Variants in SCHIP1 observed in about 807,000 individuals in gnomAD.
SCHIP1 encodes the protein schwannomin-interacting protein 1.
In SCHIP1, 8 loss-of-function variants were observed where a neutral mutation model predicts 29.7. The ratio of observed to expected loss-of-function variants is 0.27; its 90% CI spans 0.16 to 0.49. The LOEUF (loss-of-function observed/expected upper bound fraction) is 0.49, where lower values mean the gene tolerates loss of function less well. Ranked by LOEUF, SCHIP1 falls within the 20% of genes least tolerant of loss-of-function variation. The pLI is 0.99. For synonymous variants in SCHIP1, 76 were observed against 94.9 expected (o/e 0.80, Z 1.16); for missense variants, 193 against 294.6 (o/e 0.66, Z 2.52).
chr3:159,767,214 G>A, the SCHIP1 span, among the ~76,000 whole-genome samples: 1 of 152,156 alleles, frequency 6.6e-6, no homozygotes, highest in Non-Finnish European at 1.5e-5. Context: ...CAAACAGTAA[G>A]TTTCCCATGA....
the SCHIP1 span, among the ~76,000 whole-genome samples, chr3:159,526,277 T>C: frequency 6.1e-3 from 928 of 152,296 alleles, 10 homozygotes; most frequent in African/African-American, 0.022. Flanking sequence ...CAAGCGATCA[T>C]CCCACCTCAG....
chr3:159,311,609 T>G, the SCHIP1 span, among the ~76,000 whole-genome samples: 4 of 152,190 alleles, frequency 2.6e-5, no homozygotes, highest in African/African-American at 9.6e-5. Flanking sequence ...ATATTTGTTC[T>G]AAATCATTGA....
chr3:159,381,968 G>A, the SCHIP1 span, among the ~76,000 whole-genome samples: 411 of 152,182 alleles, frequency 2.7e-3, 2 homozygotes, highest in African/African-American at 9.0e-3. Context: ...TCACTATAGC[G>A]TGGGAAAAAG....
the SCHIP1 span, among the ~76,000 whole-genome samples, chr3:159,688,718 T>A: frequency 2.6e-5 from 4 of 152,348 alleles, no homozygotes; most frequent in South Asian, 8.3e-4. Context: ...TTCTAGGGTT[T>A]TTATGGTTTT....
At chr3:159,542,291 A>G in the SCHIP1 span, among the ~76,000 whole-genome samples, 1 of 152,098 alleles carries the variant, frequency 6.6e-6, no homozygotes, top group East Asian at 1.9e-4. Context: ...TGACATATGT[A>G]TACAGTGTGA....
At chr3:159,776,332 C>CTTTTTTTTTTTTTTTTTT in the SCHIP1 span, among the ~76,000 whole-genome samples, 1 of 135,424 alleles carries the variant, frequency 7.4e-6, no homozygotes, top group Non-Finnish European at 1.6e-5. Flanking sequence ...AGTGTTCTGT[C>CTTTTTTTTTTTTTTTTTT]TTTTTTTTTT....
the SCHIP1 span, among the ~76,000 whole-genome samples, chr3:159,324,425 G>GT: frequency 7.9e-5 from 12 of 152,172 alleles, no homozygotes; most frequent in African/African-American, 2.6e-4. Flanking sequence ...TGTCTGATAG[G>GT]TAAAAATTCA....
At chr3:159,347,559 A>G in the SCHIP1 span, among the ~76,000 whole-genome samples, 1 of 152,168 alleles carries the variant, frequency 6.6e-6, no homozygotes, top group African/African-American at 2.4e-5. Flanking sequence ...GACTTCAGAA[A>G]CTTTTTTTTA....
chr3:159,552,146 C>G, the SCHIP1 span, among the ~76,000 whole-genome samples: 1 of 146,792 alleles, frequency 6.8e-6, no homozygotes, highest in Non-Finnish European at 1.5e-5. Context: ...TCAAGAGATT[C>G]TCCTGCCTCA....
At chr3:159,339,077 C>A in the SCHIP1 span, among the ~76,000 whole-genome samples, 5 of 151,996 alleles carry the variant, frequency 3.3e-5, no homozygotes, top group East Asian at 9.7e-4. Flanking sequence ...GTTCCATGGC[C>A]ATTTACAGCA....
At chr3:159,637,761 C>T in the SCHIP1 span, among the ~76,000 whole-genome samples, 1 of 152,114 alleles carries the variant, frequency 6.6e-6, no homozygotes, top group African/African-American at 2.4e-5. Context: ...TTCAATAAAA[C>T]ATATATGGAA....
intron 2 of SCHIP1, among the ~76,000 whole-genome samples, chr3:159,881,959 A>G (rs761102460): frequency 4.6e-5 from 7 of 152,364 alleles, no homozygotes; most frequent in South Asian, 4.1e-4. Context: ...TTACACCGCC[A>G]GCAGGCTAGC....
At chr3:159,280,633 G>A in the SCHIP1 span, among the ~76,000 whole-genome samples, 11 of 152,162 alleles carry the variant, frequency 7.2e-5, no homozygotes, top group African/African-American at 2.2e-4. Flanking sequence ...TTCACAAGCT[G>A]TTAACCTGAA....
the SCHIP1 span, among the ~76,000 whole-genome samples, chr3:159,577,786 AAGG>A: frequency 2.0e-5 from 3 of 152,212 alleles, no homozygotes; most frequent in Admixed American, 2.0e-4. Flanking sequence ...CTTCACTGTG[AAGG>A]AGCAGATAAA....
the SCHIP1 span, among the ~76,000 whole-genome samples, chr3:159,629,478 G>T: frequency 2.6e-5 from 4 of 152,082 alleles, no homozygotes; most frequent in Non-Finnish European, 5.9e-5. Flanking sequence ...ATTGTTCAGG[G>T]ATCAGGCAGT....
the SCHIP1 span, among the ~76,000 whole-genome samples, chr3:159,383,481 A>G: frequency 1.3e-5 from 2 of 152,010 alleles, no homozygotes; most frequent in African/African-American, 2.4e-5. Flanking sequence ...CTCTTTTGGT[A>G]CCAGTACCAT....
chr3:159,471,159 A>G, the SCHIP1 span, among the ~76,000 whole-genome samples: 1 of 152,136 alleles, frequency 6.6e-6, no homozygotes, highest in East Asian at 1.9e-4. Context: ...TAAAAAGTGA[A>G]CCATTAAAAG....
exon 7 of SCHIP1, chr3:159,896,883 A>T (rs755988196): frequency 4.2e-6 from 5 of 1,193,622 alleles, no homozygotes; most frequent in Non-Finnish European, 5.7e-6. Flanking sequence ...TTAGTCATTG[A>T]TAATGTCTGA....
At chr3:159,404,145 C>T in the SCHIP1 span, among the ~76,000 whole-genome samples, 1 of 152,150 alleles carries the variant, frequency 6.6e-6, no homozygotes, top group Non-Finnish European at 1.5e-5. Flanking sequence ...GCAGTACTTG[C>T]TGTGGGCCTT....
Sources: gnomAD v4.1 joint callset for allele counts (sites outside exome capture counted in the v4.1 genomes callset) on GRCh38, gnomAD v4.1.1 for gene constraint, MANE v1.5 for transcripts, NCBI Gene and HGNC (gene_info 2026-07-23, HGNC 2026-07-21) for gene names.